Variants in N4BP2L2 observed in about 807,000 individuals in gnomAD.
N4BP2L2 encodes NEDD4 binding protein 2 like 2.
Under a neutral mutation model 56.2 loss-of-function variants are expected in N4BP2L2, and 50 were observed. The observed-to-expected ratio is 0.89, with a 90% CI of 0.71 to 1.13. The LOEUF (loss-of-function observed/expected upper bound fraction) is 1.13, where lower values mean the gene tolerates loss of function less well. Among genes scored for constraint, N4BP2L2 ranks in the 50% most tolerant of loss-of-function variants. The pLI is 0.00. For missense variants in N4BP2L2, 689 were observed against 693.8 expected (o/e 0.99, Z 0.08); for synonymous variants, 203 against 223.6 (o/e 0.91, Z 0.82).
At chr13:32,506,477 C>T (rs541466001), downstream of N4BP2L2, 1 of 152,274 alleles carries the variant, frequency 6.6e-6, no homozygotes, top group African/African-American at 2.4e-5. Flanking sequence ...GAATACTAAT[C>T]TTTCCCAGCC....
At position 32,462,196 on chromosome 13, in the gene N4BP2L2, G is replaced by A. The variant is rs557231350; in HGVS notation, c.366-18070C>T. ...GCAAAAACATGGAATCAACCTAAGT[G>A]TACATAAATGGATGGGTGGATACAG... On this transcript the variant is annotated intron_variant, in intron 6 of 9. Transcript: ENST00000357505. 1.1e-4 allele frequency among the ~76,000 whole-genome samples: 16 copies of A among 152,274 alleles called. 1 individual carries two copies. In the Middle Eastern group the frequency reaches 0.014, roughly 129 times the overall value.
chr13:32,468,268 CAA>C (rs59875338), intron 6 of N4BP2L2, among the ~76,000 whole-genome samples: 11 of 103,984 alleles, frequency 1.1e-4, no homozygotes, highest in African/African-American at 2.3e-4. Context: ...CAAAAAGAGA[CAA>C]AAAAAAAAAA....
chr13:32,457,621 A>C (rs1487040656), intron 6 of N4BP2L2, among the ~76,000 whole-genome samples: 9 of 152,218 alleles, frequency 5.9e-5, no homozygotes, highest in Admixed American at 5.9e-4. Flanking sequence ...AGAATACTAT[A>C]CCCAGGAAAG....
chr13:32,483,715 T>G (rs1566105452), intron 6 of N4BP2L2, among the ~76,000 whole-genome samples: 2 of 152,174 alleles, frequency 1.3e-5, no homozygotes, highest in Non-Finnish European at 2.9e-5. Flanking sequence ...CAGTTTTTTG[T>G]TTTGTTTTTT....
intron 6 of N4BP2L2, among the ~76,000 whole-genome samples, chr13:32,502,297 G>C (rs558981264): frequency 6.6e-6 from 1 of 151,758 alleles, no homozygotes; most frequent in South Asian, 2.1e-4. Context: ...GGCTGGTCTC[G>C]AACACCTGGC....
chr13:32,434,195 G>A (rs1373724926), intron 9 of N4BP2L2, among the ~76,000 whole-genome samples: 1 of 148,776 alleles, frequency 6.7e-6, no homozygotes, highest in African/African-American at 2.5e-5. Context: ...TCCTGCCTCA[G>A]CCTCCCAAGT....
At chr13:32,463,918 CAAAAAAAAA>C (rs58685358) in intron 6 of N4BP2L2, among the ~76,000 whole-genome samples, 1,692 of 64,364 alleles carry the variant, frequency 0.026, 70 homozygotes, top group African/African-American at 0.097. Flanking sequence ...TGCCCATGAC[CAAAAAAAAA>C]AAAAAAAAAA....
Position 32,527,308 on chromosome 13 carries a change from A to C in N4BP2L2, c.1384+100T>G, listed in dbSNP as rs2053309016. The C allele has an allele frequency of 2.3e-6, 3 of 1,300,974 alleles. No homozygotes were observed. In the East Asian group the frequency reaches 7.4e-5, roughly 32 times the overall value. 80.6% of individuals were successfully genotyped at this position (1,300,974 alleles called of 1,614,324 possible). A position where few individuals can be genotyped will look rare whatever the true frequency, so the allele number is the denominator to read the frequency against. On this transcript the variant is annotated intron_variant, in intron 3 of 5. Transcript: ENST00000267068. ...TCAAAGCTATTTAAACGGCTTGCCT[A>C]CAGTCATTCAGCTGGTAAAAACCTA...
intron 6 of N4BP2L2, among the ~76,000 whole-genome samples, chr13:32,451,329 A>G (rs2077982327): frequency 6.6e-6 from 1 of 151,992 alleles, no homozygotes; most frequent in Non-Finnish European, 1.5e-5. Flanking sequence ...AAGAAAGAGC[A>G]TAATAAAAAA....
chr13:32,440,042 A>G (rs926189107), intron 7 of N4BP2L2, among the ~76,000 whole-genome samples: 22 of 151,304 alleles, frequency 1.5e-4, no homozygotes, highest in African/African-American at 3.4e-4. Flanking sequence ...AAAAAAAAAG[A>G]AAAGGAAAAA....
At chr13:32,483,512 G>A (rs1396655094) in intron 6 of N4BP2L2, among the ~76,000 whole-genome samples, 2 of 152,066 alleles carry the variant, frequency 1.3e-5, no homozygotes, top group African/African-American at 4.8e-5. Context: ...GATTTTTGTA[G>A]GTTGTACATC....
intron 6 of N4BP2L2, among the ~76,000 whole-genome samples, chr13:32,487,301 C>T (rs948955484): frequency 6.6e-6 from 1 of 151,700 alleles, no homozygotes; most frequent in African/African-American, 2.4e-5. Context: ...TGGTGAAATC[C>T]CATCTCTACC....
chr13:32,520,200 AAG>A (rs2050410282), intron 5 of N4BP2L2, among the ~76,000 whole-genome samples: 1 of 152,212 alleles, frequency 6.6e-6, no homozygotes, highest in Non-Finnish European at 1.5e-5. Context: ...GGTTTAAAAA[AAG>A]AGGAGTGAAG....
chr13:32,523,683 C>CAGAA (rs2051742004), intron 3 of N4BP2L2: 1 of 68,968 alleles, frequency 1.4e-5, no homozygotes, highest in African/African-American at 4.3e-5. Context: ...GACTCCGTCT[C>CAGAA]AAAAAAAAAA....
intron 6 of N4BP2L2, among the ~76,000 whole-genome samples, chr13:32,485,448 C>T (rs372317324): frequency 1.3e-5 from 2 of 152,100 alleles, no homozygotes; most frequent in African/African-American, 4.8e-5. Context: ...GCCTATGAGG[C>T]CAGTATCACT....
At chr13:32,452,063 C>CTT (rs755677854) in intron 6 of N4BP2L2, among the ~76,000 whole-genome samples, 4 of 60,680 alleles carry the variant, frequency 6.6e-5, no homozygotes, top group Admixed American at 1.7e-4. Flanking sequence ...TTTTCTTTTT[C>CTT]TTTTTTTTTT....
In N4BP2L2 at chr13:32,537,612, G is replaced by C. The variant is rs114749056; in HGVS notation, c.1-585C>G. Among the ~76,000 whole-genome samples the C allele has an allele frequency of 9.1e-3, 1,390 of 152,274 alleles. 25 individuals carry two copies. Among genetic ancestry groups the C allele is most frequent in the African/African-American group, 0.032 (1,338 of 41,536 alleles). ...GGAGACCCTTAACTGTGAGTAGTTA[G>C]CATAAAAGAGGTTCCTAAATGGGTA... On this transcript the variant is annotated intron_variant, in intron 1 of 5. Transcript: ENST00000267068.
chr13:32,536,091 T>C, exon 2 of N4BP2L2: 1 of 1,614,070 alleles, frequency 6.2e-7, no homozygotes, highest in Non-Finnish European at 8.5e-7. Flanking sequence ...CCATTTTGTA[T>C]CTGAGAGTCA....
At chr13:32,480,213 T>A (rs1223454069) in intron 6 of N4BP2L2, among the ~76,000 whole-genome samples, 1 of 152,206 alleles carries the variant, frequency 6.6e-6, no homozygotes, top group East Asian at 1.9e-4. Context: ...GACAGTGGAA[T>A]AATTTCAGTG....
Sources: allele counts gnomAD v4.1 joint callset (sites outside exome capture counted in the v4.1 genomes callset), GRCh38; gene constraint gnomAD v4.1.1; transcripts MANE v1.5; gene names NCBI Gene and HGNC (gene_info 2026-07-23, HGNC 2026-07-21).